TMEM94: variants seen among roughly 807,000 people sequenced by gnomAD.
TMEM94 encodes ER Mg2+ ATPase.
A neutral mutation model predicts 158.6 loss-of-function variants in TMEM94; 81 were observed. The observed-to-expected ratio is 0.51, with a 90% CI of 0.43 to 0.61. The LOEUF is 0.61. TMEM94 is among the 20% of genes least tolerant of loss of function. The probability of loss-of-function intolerance (pLI) is 0.00; values close to 1 mark genes in which losing one functional copy is unlikely to be tolerated. For missense variants in TMEM94, 1,435 were observed against 1,762.0 expected, an observed-to-expected ratio of 0.81 and a Z score of 3.32; for synonymous variants, 751 against 730.7, an observed-to-expected ratio of 1.03 and a Z score of -0.45.
rs371829395 is a variant in TMEM94 at position 75,485,562 on chromosome 17, C to T, written c.144+15C>T. On this transcript the variant is annotated intron_variant, in intron 3 of 31. Transcript: ENST00000314256. The surrounding 1 kb of genome is among the most constrained non-coding windows in gnomAD (Gnocchi z 5.5). ...TGACGTGGAAGGTGAAGCTTCTTCT[C>T]GGGGCTACCAGGGCCTGGCTGGGAT... 3.1e-5 allele frequency: 50 copies of T among 1,613,896 alleles called. No homozygotes were observed. The highest frequency in any genetic ancestry group is 3.4e-5 in the Non-Finnish European group (40 of 1,179,942).
At chr17:75,486,542 G>T in intron 5 of TMEM94, 116 bp downstream of exon 5, 2 of 1,274,700 alleles carry the variant, frequency 1.6e-6, no homozygotes, top group Non-Finnish European at 2.2e-6. Context: ...CATTGCAGGG[G>T]CTCTTGTCAT....
chr17:75,474,509 T>C (rs2050604540), intron 2 of TMEM94, among the ~76,000 whole-genome samples: 1 of 151,560 alleles, frequency 6.6e-6, no homozygotes, highest in Non-Finnish European at 1.5e-5. Flanking sequence ...GGCATGATAG[T>C]GCATGCCTGT....
In TMEM94 at chr17:75,499,607, G is replaced by C. The variant is rs2053107885; in HGVS notation, c.*273G>C. The C allele has an allele frequency of 1.9e-6, 1 of 521,316 alleles. No homozygotes were observed. 32.3% of individuals were successfully genotyped at this position (521,316 alleles called of 1,614,324 possible). ...TGTATGGCCTCAGGCGCTCCCTAGA[G>C]GGGCCCTAAACCCCCTCACCTGTGA... On this transcript the variant is annotated 3_prime_UTR_variant, in exon 32 of 32. Coordinates refer to ENST00000314256, the MANE Select transcript of TMEM94 (RefSeq NM_014738.6).
At chr17:75,476,744 G>A (rs1037208673) in intron 2 of TMEM94, 2 of 1,535,766 alleles carry the variant, frequency 1.3e-6, no homozygotes, top group South Asian at 2.4e-5. Context: ...AGGCAACAAA[G>A]TGAGTATGCT....
rs369167646 is a variant in TMEM94, at chr17:75,498,144, G to A, written c.3490-31G>A. On this transcript the variant is annotated intron_variant, in intron 27 of 31. Coordinates refer to ENST00000314256, the MANE Select transcript of TMEM94 (RefSeq NM_014738.6). The surrounding 1 kb of genome is among the most constrained non-coding windows in gnomAD (Gnocchi z 6.7). ...GGAGCAGCCGGCAGAGGGGCTGTGC[G>A]CCCCAGGAGTGACTGGCCTTGTTCC... 48 of 1,609,872 alleles carry A rather than the reference G, an allele frequency of 3.0e-5. No homozygotes were observed. In the African/African-American group the frequency reaches 4.0e-4, roughly 13 times the overall value.
intron 25 of TMEM94, 62 bp from the exon 26 acceptor site, chr17:75,497,051 C>G (rs1227158215): frequency 7.0e-7 from 1 of 1,435,792 alleles, no homozygotes; most frequent in African/African-American, 1.4e-5. Context: ...AGCTCGGGGG[C>G]TCCTATGCCC....
At position 75,494,789 on chromosome 17, in the gene TMEM94, A is replaced by C; in HGVS notation, c.2570A>C (p.Glu857Ala). The C allele has an allele frequency of 6.2e-7, 1 of 1,613,584 alleles. No homozygotes were observed. The highest frequency in any genetic ancestry group is 8.5e-7 in the Non-Finnish European group (1 of 1,180,016). ...ACIRFVYFSL[E>A]DELKSKVFAE... Reference sequence around the variant, plus strand: ...ATCCGCTTTGTCTACTTCTCTTTGGAGGATGAGCTCAAAAGCAAGGTGGGG... The same window carrying C: ...ATCCGCTTTGTCTACTTCTCTTTGGCGGATGAGCTCAAAAGCAAGGTGGGG... The change falls in exon 19 of 32, where the codon GAG (glutamate) becomes GCG (alanine). Residue 857 changes from glutamate to alanine, a missense_variant. Around this residue, in one of 3 missense-constraint regions of TMEM94, gnomAD observed 1,051 missense variants for 1,254.4 expected, o/e 0.84. Transcript: ENST00000314256.
At chr17:75,472,937 T>C (rs1005892488) in intron 2 of TMEM94, among the ~76,000 whole-genome samples, 3 of 152,212 alleles carry the variant, frequency 2.0e-5, no homozygotes, top group African/African-American at 7.2e-5. Context: ...CCTTTCAGCA[T>C]TTGTAGTACC....
intron 1 of TMEM94, among the ~76,000 whole-genome samples, chr17:75,467,132 G>A (rs1306828488): frequency 6.6e-6 from 1 of 151,290 alleles, no homozygotes; most frequent in Non-Finnish European, 1.5e-5. Context: ...CCAAAACCAC[G>A]CCTGGCTAAT....
intron 1 of TMEM94, chr17:75,457,517 A>C (rs953165013): frequency 1.3e-5 from 2 of 151,852 alleles, no homozygotes; most frequent in Non-Finnish European, 2.9e-5. Context: ...TGCCTTGGTC[A>C]CGTGCTGCTA....
intron 1 of TMEM94, among the ~76,000 whole-genome samples, chr17:75,461,770 T>C (rs946328571): frequency 9.3e-5 from 14 of 151,310 alleles, no homozygotes; most frequent in African/African-American, 2.9e-4. Context: ...AAAAATTAGC[T>C]GGGCGTGGTG....
At chr17:75,465,679 A>ATATATATATATATTTTTT (rs1247855961) in intron 1 of TMEM94, among the ~76,000 whole-genome samples, 25 of 124,784 alleles carry the variant, frequency 2.0e-4, no homozygotes, top group Non-Finnish European at 3.2e-4. Flanking sequence ...ATATATATAT[A>ATATATATATATATTTTTT]TTTTTTTTTA....
In TMEM94 at chr17:75,491,342, C is replaced by G; in HGVS notation, c.1273C>G (p.Pro425Ala). 6.2e-7 allele frequency: 1 copy of G among 1,614,172 alleles called. No homozygotes were observed. The highest frequency in any genetic ancestry group is 8.5e-7 in the Non-Finnish European group (1 of 1,180,024). ...GGACAAACAGGGGATCCTGTCATGGCCAAATCCCAGCCCAGAGACTGTACT... is the reference window on the plus strand; with the variant it reads ...GGACAAACAGGGGATCCTGTCATGGGCAAATCCCAGCCCAGAGACTGTACT... ...CVDKQGILSW[P>A]NPSPETVLFF... The change falls in exon 13 of 32, where the codon CCA (proline) becomes GCA (alanine). Residue 425 changes from proline to alanine, a missense_variant. Physicochemically the swap from Pro to Ala is conservative, Grantham distance 27 (BLOSUM62 -1). Coordinates refer to ENST00000314256, the MANE Select transcript of TMEM94 (RefSeq NM_014738.6). The surrounding 1 kb of genome is among the most constrained non-coding windows in gnomAD (Gnocchi z 5.1).
chr17:75,491,928 C>T lies in TMEM94; in HGVS notation c.1596+28C>T. ...GACGGGAGGGGGTGGCACGGGGCAG[C>T]CACACCCTCGGCCACAGGCTGTCCT... On this transcript the variant is annotated intron_variant, in intron 14 of 31. Transcript: ENST00000314256. This position sits in a 1 kb window ranked among gnomAD's most constrained non-coding sequence, Gnocchi z 5.1. The T allele has an allele frequency of 1.3e-6, 2 of 1,586,576 alleles. No individual in the cohort carries two copies. Among genetic ancestry groups the T allele is most frequent in the Non-Finnish European group, 1.7e-6 (2 of 1,166,048 alleles).
chr17:75,496,166 T>C (rs1473777255), intron 23 of TMEM94, 92 bp downstream of exon 23: 5 of 1,529,784 alleles, frequency 3.3e-6, no homozygotes, highest in South Asian at 2.3e-5. Flanking sequence ...GTGTGTACTA[T>C]AGCCGACCTC....
chr17:75,491,614 C>T lies in TMEM94; in HGVS notation c.1387-77C>T. Reference sequence around the variant, plus strand: ...GCAGGTGAGGTGAAGACAAGGCAGCCAGGGGACCTAGAAGCATCCTGCCTC... The same window carrying T: ...GCAGGTGAGGTGAAGACAAGGCAGCTAGGGGACCTAGAAGCATCCTGCCTC... On this transcript the variant is annotated intron_variant, in intron 13 of 31. Transcript: ENST00000314256. This position sits in a 1 kb window ranked among gnomAD's most constrained non-coding sequence, Gnocchi z 5.1. 1 of 1,559,274 alleles carries T rather than the reference C, an allele frequency of 6.4e-7. No homozygotes were observed.
At position 75,491,471 on chromosome 17, in the gene TMEM94, C is replaced by T. The variant is rs1016743048; in HGVS notation, c.1386+16C>T. The T allele has an allele frequency of 2.0e-5, 33 of 1,613,784 alleles. No homozygotes were observed. The highest frequency in any genetic ancestry group is 2.5e-5 in the Non-Finnish European group (29 of 1,180,014). ...CCATCCCGAGGTAGAGGAGGAGGTACGGCCGGCTCCCATGGGCCCGACTCT... is the reference window on the plus strand; with the variant it reads ...CCATCCCGAGGTAGAGGAGGAGGTATGGCCGGCTCCCATGGGCCCGACTCT... On this transcript the variant is annotated intron_variant, in intron 13 of 31. Transcript: ENST00000314256. This position sits in a 1 kb window ranked among gnomAD's most constrained non-coding sequence, Gnocchi z 5.1.
rs9302993 is a variant in TMEM94 at position 75,465,655 on chromosome 17, T to TATTTATA, written c.-106-6145_-106-6144insATTTATA. Among the ~76,000 whole-genome samples, 172 of 98,830 alleles carry TATTTATA rather than the reference T, an allele frequency of 1.7e-3. 2 individuals are homozygous for TATTTATA. Among genetic ancestry groups the TATTTATA allele is most frequent in the Middle Eastern group, 9.7e-3 (2 of 206 alleles). The allele number at this position is 98,830 out of a possible 152,430, so 64.8% of individuals were successfully genotyped here. ...TCTTGTTACTGAGCTATAAGAATTT[T>TATTTATA]TATATATATATATATATATATATAT... On this transcript the variant is annotated intron_variant, in intron 1 of 31. Coordinates refer to ENST00000314256, the MANE Select transcript of TMEM94 (RefSeq NM_014738.6).
rs748529181 is a variant in TMEM94, at chr17:75,491,674, C to T, written c.1387-17C>T. On this transcript the variant is annotated splice_polypyrimidine_tract_variant and intron_variant, in intron 13 of 31. Transcript: ENST00000314256. This position sits in a 1 kb window ranked among gnomAD's most constrained non-coding sequence, Gnocchi z 5.1. ...TGGGAGCCACTGGTCCTAGCCTGTG[C>T]TCCTCATTCTCTTCAGCCCCATGAA... The T allele has an allele frequency of 3.1e-6, 5 of 1,613,024 alleles. No homozygotes were observed. Among genetic ancestry groups the T allele is most frequent in the African/African-American group, 1.3e-5 (1 of 74,932 alleles).
Sources: allele counts gnomAD v4.1 joint callset (sites outside exome capture counted in the v4.1 genomes callset), GRCh38; gene constraint gnomAD v4.1.1; regional missense constraint gnomAD v4.1.1; non-coding constraint Gnocchi (gnomAD v3.1); transcripts MANE v1.5; gene names NCBI Gene and HGNC (gene_info 2026-07-23, HGNC 2026-07-21).